Variants in PAXIP1 observed in about 807,000 individuals in gnomAD.
PAXIP1 encodes PAX interacting protein 1.
A neutral mutation model predicts 140.6 loss-of-function variants in PAXIP1; 19 were observed. That is an observed-to-expected ratio of 0.14 (90% CI 0.09 to 0.20). The LOEUF (loss-of-function observed/expected upper bound fraction) is 0.20, where lower values mean the gene tolerates loss of function less well. PAXIP1 is among the 10% of genes least tolerant of loss of function. The probability of loss-of-function intolerance (pLI) is 1.00; values close to 1 mark genes in which losing one functional copy is unlikely to be tolerated. For missense variants in PAXIP1, 920 were observed against 1,208.6 expected (o/e 0.76, Z 3.54); for synonymous variants, 442 against 444.6 (o/e 0.99, Z 0.07).
Position 154,962,411 on chromosome 7 carries a change from T to C in PAXIP1, c.2037A>G (p.Thr679=), listed in dbSNP as rs1808796091. 2 of 1,613,632 alleles carry C rather than the reference T, an allele frequency of 1.2e-6. No individual in the cohort carries two copies. The highest frequency in any genetic ancestry group is 1.7e-6 in the Non-Finnish European group (2 of 1,179,640). Residue 679 remains threonine, a synonymous_variant, in exon 10 of 21, where the codon ACA becomes ACG. Transcript: ENST00000404141. Reference sequence around the variant, plus strand: ...GTACCATTTTCTTCTTCTTTAAGACTGTGTTTAACCAGTGTGCAGTAACAC... The same window carrying C: ...GTACCATTTTCTTCTTCTTTAAGACCGTGTTTAACCAGTGTGCAGTAACAC... ...KRCVTAHWLN[T]VLKKKKMVPP... is the part of the protein sequence containing the mutation.
chr7:154,948,179 G>A, intron 16 of PAXIP1, 176 bp from the exon 17 acceptor site: 1 of 582,296 alleles, frequency 1.7e-6, no homozygotes, highest in Admixed American at 2.8e-5. Flanking sequence ...TCTAAAAACA[G>A]CCAGACCAAA....
At chr7:154,989,087 G>GA (rs1468609157) in intron 4 of PAXIP1, among the ~76,000 whole-genome samples, 4 of 152,016 alleles carry the variant, frequency 2.6e-5, no homozygotes, top group African/African-American at 7.2e-5. Flanking sequence ...CTGTTAAAGA[G>GA]AAAAAAATAA....
intron 16 of PAXIP1, chr7:154,952,102 CTTCA>C (rs1808295205): frequency 6.6e-6 from 1 of 152,052 alleles, no homozygotes; most frequent in East Asian, 1.9e-4. Context: ...CTTCTTCTGC[CTTCA>C]TTGTTAAGTT....
At chr7:154,987,030 A>C (rs1810105383) in intron 4 of PAXIP1, among the ~76,000 whole-genome samples, 2 of 152,218 alleles carry the variant, frequency 1.3e-5, no homozygotes, top group South Asian at 4.1e-4. Context: ...AGAACACACA[A>C]TCAAATGACA....
At chr7:154,965,580 C>G (rs1808972882) in intron 8 of PAXIP1, 1 of 152,246 alleles carries the variant, frequency 6.6e-6, no homozygotes, top group Non-Finnish European at 1.5e-5. Context: ...CCTCCTAGGC[C>G]CACTCATCGT....
chr7:154,989,360 G>C (rs1305331401), intron 4 of PAXIP1, among the ~76,000 whole-genome samples: 1 of 152,182 alleles, frequency 6.6e-6, no homozygotes, highest in African/African-American at 2.4e-5. Context: ...GGAAAAGCAA[G>C]ATTATAACCA....
At position 154,956,911 on chromosome 7, in the gene PAXIP1, G is replaced by A. The variant is rs916467495; in HGVS notation, c.2549+313C>T. On this transcript the variant is annotated intron_variant, in intron 14 of 20. Transcript: ENST00000404141. This position sits in a 1 kb window ranked among gnomAD's most constrained non-coding sequence, Gnocchi z 4.2. ...CCGTGCCCAGGAGGCCTGGGGCTCC[G>A]TGGTCTATCTCTGAGCTGGGTTCTA... The A allele has an allele frequency of 4.7e-6, 1 of 213,474 alleles. No individual in the cohort carries two copies. The highest frequency in any genetic ancestry group is 9.2e-6 in the Non-Finnish European group (1 of 108,460). The allele number at this position is 213,474 out of a possible 1,614,324, so 13.2% of individuals were successfully genotyped here. A position where few individuals can be genotyped will look rare whatever the true frequency, so the allele number is the denominator to read the frequency against.
chr7:154,958,030 C>CT (rs1808604699), intron 13 of PAXIP1, among the ~76,000 whole-genome samples: 1 of 151,390 alleles, frequency 6.6e-6, no homozygotes. Flanking sequence ...CACCTCCACC[C>CT]TAAAAGACTA....
intron 2 of PAXIP1, among the ~76,000 whole-genome samples, chr7:154,994,972 C>CA (rs1267759115): frequency 2.0e-5 from 3 of 152,086 alleles, no homozygotes; most frequent in African/African-American, 7.2e-5. Context: ...AAAAATGGGC[C>CA]AGCATCAGGA....
At chr7:154,997,832 A>G (rs1810708606) in intron 2 of PAXIP1, among the ~76,000 whole-genome samples, 1 of 152,226 alleles carries the variant, frequency 6.6e-6, no homozygotes, top group Admixed American at 6.5e-5. Flanking sequence ...GTTCCACAAC[A>G]TAGTTAATGG....
Position 154,991,078 on chromosome 7 carries a change from T to G in PAXIP1, c.261-9A>C, listed in dbSNP as rs764710814. 2 of 1,451,984 alleles carry G rather than the reference T, an allele frequency of 1.4e-6. No individual in the cohort carries two copies. 89.9% of individuals were successfully genotyped at this position (1,451,984 alleles called of 1,614,324 possible). On this transcript the variant is annotated splice_polypyrimidine_tract_variant and intron_variant, in intron 3 of 20. Coordinates refer to ENST00000404141, the MANE Select transcript of PAXIP1 (RefSeq NM_007349.4). ...GAGAAAAACCATTTACTCTGTTTTA[T>G]AGTTATTAAGATTACAATGAAATAA...
intron 16 of PAXIP1, chr7:154,950,764 C>G (rs1442646042): frequency 6.6e-6 from 1 of 152,234 alleles, no homozygotes; most frequent in Non-Finnish European, 1.5e-5. Flanking sequence ...TGAACAGATA[C>G]ATTCTGACAA....
chr7:154,996,065 C>T (rs1233816127), intron 2 of PAXIP1, among the ~76,000 whole-genome samples: 1 of 152,150 alleles, frequency 6.6e-6, no homozygotes. Context: ...GTCAAACTTC[C>T]TATCAAGGTA....
Position 154,954,289 on chromosome 7 carries a change from C to T in PAXIP1, c.2787G>A (p.Trp929Ter). 1 of 1,584,848 alleles carries T rather than the reference C, an allele frequency of 6.3e-7. No individual in the cohort carries two copies. The highest frequency in any genetic ancestry group is 1.1e-5 in the South Asian group (1 of 88,198). Residue 929 changes from tryptophan (W) to a stop codon, truncating the protein, a stop_gained, in exon 16 of 21, where the codon TGG (tryptophan) becomes TGA (stop). Coordinates refer to ENST00000404141, the MANE Select transcript of PAXIP1 (RefSeq NM_007349.4). LOFTEE classifies it high-confidence loss of function. The surrounding 1 kb of genome is among the most constrained non-coding windows in gnomAD (Gnocchi z 5.1). Reference protein sequence around the residue: ...SVVKHIVTPEWLEECFRCQKF... With the variant: ...SVVKHIVTPE ...TCTGACACCTGAAGCATTCTTCCAG[C>T]CACTCTGGCGTCACTATGTGCTTCA...
In PAXIP1 at chr7:154,970,744, G is replaced by A. The variant is rs879363389; in HGVS notation, c.1075-1618C>T. ...TGGGCACCAGCCATGAGCCCTACAC[G>A]GCAAACTGCTGGAAACAGCGGCTGC... is the stretch of plus-strand genomic sequence containing the variant. On this transcript the variant is annotated intron_variant, in intron 6 of 20. Transcript: ENST00000404141. Among the ~76,000 whole-genome samples the A allele has an allele frequency of 2.0e-5, 3 of 152,336 alleles. No homozygotes were observed. In the East Asian group the frequency reaches 5.8e-4, roughly 29 times the overall value.
chr7:154,958,043 C>A (rs1808605169), intron 13 of PAXIP1, among the ~76,000 whole-genome samples: 1 of 151,396 alleles, frequency 6.6e-6, no homozygotes, highest in Non-Finnish European at 1.5e-5. Context: ...AAAGACTATT[C>A]CTAAAAGAGA....
In PAXIP1 at chr7:154,983,240, C is replaced by T; in HGVS notation, c.417G>A (p.Leu139=). Residue 139 remains leucine, a synonymous_variant, in exon 5 of 21, where the codon TTG becomes TTA. Coordinates refer to ENST00000404141, the MANE Select transcript of PAXIP1 (RefSeq NM_007349.4). Reference sequence around the variant, plus strand: ...TTACCCCCTTTGGCTCTGGAACAATCAAATGCGTGCATTTCTTATTGAGGG... The same window carrying T: ...TTACCCCCTTTGGCTCTGGAACAATTAAATGCGTGCATTTCTTATTGAGGG... ...QLTLNKKCTH[L]IVPEPKGEKY... is the part of the protein sequence containing the mutation. The T allele has an allele frequency of 1.2e-6, 2 of 1,608,268 alleles. No individual in the cohort carries two copies. Among genetic ancestry groups the T allele is most frequent in the Non-Finnish European group, 1.7e-6 (2 of 1,176,172 alleles).
intron 4 of PAXIP1, among the ~76,000 whole-genome samples, chr7:154,987,385 G>A (rs1171044624): frequency 1.3e-5 from 2 of 152,184 alleles, no homozygotes; most frequent in Admixed American, 6.5e-5. Flanking sequence ...ATGATTAAGT[G>A]TGACTTTACC....
rs373313017 is a variant in PAXIP1, at chr7:154,975,687, G to C, written c.1074+9C>G. On this transcript the variant is annotated intron_variant, in intron 6 of 20. Transcript: ENST00000404141. ...AATACTGACATTTTTTTCGGAAAGA[G>C]TGACTTACATGTGCTACATTTGATG... is the stretch of plus-strand genomic sequence containing the variant. 5.8e-5 allele frequency: 91 copies of C among 1,565,182 alleles called. No individual in the cohort carries two copies. Among genetic ancestry groups the C allele is most frequent in the Non-Finnish European group, 7.7e-5 (88 of 1,142,428 alleles).
Sources: allele counts gnomAD v4.1 joint callset (sites outside exome capture counted in the v4.1 genomes callset), GRCh38; gene constraint gnomAD v4.1.1; non-coding constraint Gnocchi (gnomAD v3.1); transcripts MANE v1.5; gene names NCBI Gene and HGNC (gene_info 2026-07-23, HGNC 2026-07-21).